The following TLK1 variants were observed in gnomAD, a reference collection of about 807,000 sequenced individuals.
The protein encoded by TLK1 is serine/threonine-protein kinase tousled-like 1.
Under a neutral mutation model 105.3 loss-of-function variants are expected in TLK1, and 24 were observed. The observed-to-expected ratio is 0.23, with a 90% CI of 0.17 to 0.32. The LOEUF is 0.32. TLK1 is among the 10% of genes least tolerant of loss of function. The probability of loss-of-function intolerance (pLI) is 1.00; values close to 1 mark genes in which losing one functional copy is unlikely to be tolerated. For synonymous variants in TLK1, 321 were observed against 310.4 expected (o/e 1.03, Z -0.36); for missense variants, 558 against 910.5 (o/e 0.61, Z 4.98).
chr2:171,159,355 C>A (rs796455955), intron 1 of TLK1, among the ~76,000 whole-genome samples: 4 of 152,274 alleles, frequency 2.6e-5, no homozygotes, highest in African/African-American at 9.6e-5. Flanking sequence ...TGTTTTCTCC[C>A]AAATTTCATT....
chr2:171,038,401 T>C (rs1405034422), intron 11 of TLK1, among the ~76,000 whole-genome samples: 1 of 152,166 alleles, frequency 6.6e-6, no homozygotes, highest in Non-Finnish European at 1.5e-5. Flanking sequence ...AAATAGATGA[T>C]TAGTTTCTAA....
At chr2:171,070,143 A>G (rs990259342) in intron 3 of TLK1, among the ~76,000 whole-genome samples, 33 of 151,990 alleles carry the variant, frequency 2.2e-4, no homozygotes, top group Admixed American at 1.9e-3. Context: ...TTCTCTTCCA[A>G]TCTTGTTTCC....
chr2:171,156,379 AT>A (rs1692233425), intron 1 of TLK1, among the ~76,000 whole-genome samples: 2 of 152,246 alleles, frequency 1.3e-5, no homozygotes, highest in South Asian at 4.1e-4. Flanking sequence ...GTTTAAATTA[AT>A]AAATATATTT....
Position 171,053,780 on chromosome 2 carries a change from C to T in TLK1, c.713G>A (p.Arg238His), listed in dbSNP as rs181931991. 16 of 1,608,178 alleles carry T rather than the reference C, an allele frequency of 9.9e-6. No homozygotes were observed. Among genetic ancestry groups the T allele is most frequent in the African/African-American group, 2.7e-5 (2 of 74,586 alleles). ...KIQDLEKKEG[R>H]IDDLLRANCD... The stretch of plus-strand genomic sequence containing the variant: ...ACTTACCCTGAGCAAATCATCTATA[C>T]GTCCCTCCTTCTTTTCCAGGTCCTG... The change falls in exon 8 of 21, where the codon CGT becomes CAT. Residue 238 changes from arginine (R) to histidine (H), a missense_variant. Coordinates refer to ENST00000431350, the MANE Select transcript of TLK1 (RefSeq NM_012290.5).
chr2:171,112,437 C>A (rs6730417), intron 2 of TLK1, among the ~76,000 whole-genome samples: 60,005 of 151,842 alleles, frequency 0.4, 13,357 homozygotes, highest in African/African-American at 0.59. Flanking sequence ...TTTTTAAAAC[C>A]AACAAAATCT....
chr2:171,196,879 A>G (rs183130932), intron 1 of TLK1, among the ~76,000 whole-genome samples: 1 of 152,242 alleles, frequency 6.6e-6, no homozygotes, highest in Non-Finnish European at 1.5e-5. Context: ...TATAGCTCTA[A>G]AAACTTAGTA....
chr2:171,104,466 A>T (rs1689830599), intron 2 of TLK1, among the ~76,000 whole-genome samples: 1 of 152,188 alleles, frequency 6.6e-6, no homozygotes, highest in African/African-American at 2.4e-5. Flanking sequence ...AATACTGTGA[A>T]AATGACATAC....
chr2:171,170,446 C>A (rs7572477), intron 1 of TLK1, among the ~76,000 whole-genome samples: 5,587 of 152,268 alleles, frequency 0.037, 342 homozygotes, highest in African/African-American at 0.13. Flanking sequence ...TCTTCCTGGG[C>A]ACATGGGTAA....
At chr2:171,068,688 T>A (rs925134659) in intron 3 of TLK1, among the ~76,000 whole-genome samples, 1 of 152,224 alleles carries the variant, frequency 6.6e-6, no homozygotes, top group African/African-American at 2.4e-5. Flanking sequence ...AGTCTGTCTG[T>A]CTATCTAGGT....
intron 1 of TLK1, among the ~76,000 whole-genome samples, chr2:171,172,401 CA>C (rs1449913235): frequency 6.6e-6 from 1 of 152,080 alleles, no homozygotes; most frequent in Non-Finnish European, 1.5e-5. Context: ...AGTTATACTT[CA>C]ATAAAATGTT....
chr2:171,019,739 G>C (rs1460578141), intron 12 of TLK1, among the ~76,000 whole-genome samples: 4 of 152,120 alleles, frequency 2.6e-5, no homozygotes, highest in African/African-American at 9.7e-5. Flanking sequence ...AACACTACTT[G>C]ATTAAGAAAA....
intron 1 of TLK1, among the ~76,000 whole-genome samples, chr2:171,148,911 A>ATG (rs58338054): frequency 1.3e-4 from 17 of 134,238 alleles, no homozygotes; most frequent in African/African-American, 4.8e-4. Flanking sequence ...ATATATATAT[A>ATG]TGTGTGTGTG....
chr2:171,213,367 T>C (rs1367247553), intron 1 of TLK1, among the ~76,000 whole-genome samples: 1 of 151,642 alleles, frequency 6.6e-6, no homozygotes, highest in Non-Finnish European at 1.5e-5. Context: ...CGTGCCCAGC[T>C]AATTTATGTA....
intron 3 of TLK1, among the ~76,000 whole-genome samples, 196 bp from the exon 4 acceptor site, chr2:171,061,352 G>T (rs1687738233): frequency 6.6e-6 from 1 of 152,110 alleles, no homozygotes; most frequent in Admixed American, 6.5e-5. Flanking sequence ...ATTCCAAGTA[G>T]AGAAGACCTT....
chr2:171,219,978 C>G (rs1396148856), intron 1 of TLK1, among the ~76,000 whole-genome samples: 1 of 152,150 alleles, frequency 6.6e-6, no homozygotes, highest in Admixed American at 6.5e-5. Context: ...CCCAAAGTCT[C>G]TAGCTCCCAA....
chr2:171,032,404 G>A (rs1575533467), intron 11 of TLK1, among the ~76,000 whole-genome samples: 1 of 151,956 alleles, frequency 6.6e-6, no homozygotes, highest in East Asian at 1.9e-4. Flanking sequence ...AAAGCTGCAG[G>A]GTATGAGAGC....
At chr2:171,192,826 C>A (rs1034471193) in intron 1 of TLK1, among the ~76,000 whole-genome samples, 1 of 152,210 alleles carries the variant, frequency 6.6e-6, no homozygotes, top group African/African-American at 2.4e-5. Context: ...ATTCCAACAT[C>A]TTGATGACTG....
At chr2:171,130,342 C>T (rs1242843974) in intron 1 of TLK1, among the ~76,000 whole-genome samples, 1 of 151,948 alleles carries the variant, frequency 6.6e-6, no homozygotes, top group African/African-American at 2.4e-5. Context: ...GCGGAGGCTG[C>T]AGTAAGCCAA....
intron 1 of TLK1, among the ~76,000 whole-genome samples, chr2:171,212,448 T>C (rs1018796720): frequency 1.3e-5 from 2 of 152,116 alleles, no homozygotes; most frequent in Non-Finnish European, 2.9e-5. Flanking sequence ...CATTATACCT[T>C]TGCCTGGGTA....
Sources: allele counts gnomAD v4.1 joint callset (sites outside exome capture counted in the v4.1 genomes callset), GRCh38; gene constraint gnomAD v4.1.1; transcripts MANE v1.5; gene names NCBI Gene and HGNC (gene_info 2026-07-23, HGNC 2026-07-21).